The following PLXNA4 variants were observed in gnomAD, a reference collection of about 807,000 sequenced individuals.
PLXNA4 encodes the protein plexin-A4.
In PLXNA4, 44 loss-of-function variants were observed where a neutral mutation model predicts 191.8. That is an observed-to-expected ratio of 0.23 (90% confidence interval 0.18 to 0.29). The LOEUF is 0.29. Among genes scored for constraint, PLXNA4 ranks in the 10% least tolerant of loss-of-function variants. PLXNA4 has a pLI of 1.00. For missense variants in PLXNA4, 1,800 were observed against 2,488.8 expected (o/e 0.72, Z 5.89); for synonymous variants, 1,082 against 1,009.5 (o/e 1.07, Z -1.36).
chr7:132,222,250 T>A (rs150936862), intron 9 of PLXNA4, among the ~76,000 whole-genome samples: 1 of 152,354 alleles, frequency 6.6e-6, no homozygotes, highest in Non-Finnish European at 1.5e-5. Flanking sequence ...GATTTTCTGA[T>A]GGCTAAGCAC....
chr7:132,157,021 T>C (rs919784837), intron 25 of PLXNA4, among the ~76,000 whole-genome samples: 1 of 152,196 alleles, frequency 6.6e-6, no homozygotes, highest in African/African-American at 2.4e-5. Context: ...AGGGGGGCCC[T>C]GAGGTTCAAA....
At chr7:132,461,766 A>G (rs1363053172) in intron 3 of PLXNA4, among the ~76,000 whole-genome samples, 1 of 152,242 alleles carries the variant, frequency 6.6e-6, no homozygotes, top group Non-Finnish European at 1.5e-5. Context: ...AGTCATTTCA[A>G]CAACTTTGAG....
At chr7:132,633,708 G>T (rs567217600) in intron 2 of PLXNA4, among the ~76,000 whole-genome samples, 4 of 152,102 alleles carry the variant, frequency 2.6e-5, no homozygotes, top group Non-Finnish European at 5.9e-5. Flanking sequence ...TATTTTTCAC[G>T]TTTTTCCCCC....
chr7:132,501,241 G>A (rs1798237959), intron 2 of PLXNA4, among the ~76,000 whole-genome samples: 1 of 152,172 alleles, frequency 6.6e-6, no homozygotes, highest in African/African-American at 2.4e-5. Flanking sequence ...TGAGCAAGAG[G>A]AGAGAAACAG....
At chr7:132,492,443 C>T (rs1797844985) in intron 2 of PLXNA4, among the ~76,000 whole-genome samples, 1 of 152,216 alleles carries the variant, frequency 6.6e-6, no homozygotes, top group African/African-American at 2.4e-5. Context: ...TCTGCAGAAC[C>T]TCTTGAAGCA....
intron 20 of PLXNA4, among the ~76,000 whole-genome samples, chr7:132,178,746 C>T (rs1796567730): frequency 2.7e-5 from 2 of 74,556 alleles, no homozygotes; most frequent in Admixed American, 3.3e-4. Context: ...AAATGAAACA[C>T]ATACACACAC....
intron 5 of PLXNA4, among the ~76,000 whole-genome samples, chr7:132,230,428 A>G (rs1302942837): frequency 2.0e-5 from 3 of 152,172 alleles, no homozygotes; most frequent in Non-Finnish European, 2.9e-5. Context: ...TGGCACTGGG[A>G]AGCACTTTGA....
intron 3 of PLXNA4, chr7:132,383,470 C>T (rs1032674546): frequency 8.0e-6 from 6 of 750,522 alleles, no homozygotes; most frequent in Admixed American, 6.3e-5. Context: ...ATCCCATTTT[C>T]CAAGCACAAC....
At chr7:132,195,138 C>A (rs1797216158) in intron 13 of PLXNA4, among the ~76,000 whole-genome samples, 1 of 152,036 alleles carries the variant, frequency 6.6e-6, no homozygotes, top group Non-Finnish European at 1.5e-5. Context: ...TACATATATA[C>A]AATTACACTT....
At chr7:132,231,984 G>A (rs1476394611) in intron 5 of PLXNA4, among the ~76,000 whole-genome samples, 1 of 152,158 alleles carries the variant, frequency 6.6e-6, no homozygotes, top group Non-Finnish European at 1.5e-5. Flanking sequence ...CTATCCTCCA[G>A]GATTCATGAG....
chr7:132,513,075 A>G (rs1224275796), intron 1 of PLXNA4, among the ~76,000 whole-genome samples: 1 of 152,192 alleles, frequency 6.6e-6, no homozygotes, highest in East Asian at 1.9e-4. Flanking sequence ...TTGAAATCAG[A>G]TTTTAATTTT....
At position 132,507,782 on chromosome 7, in the gene PLXNA4, C is replaced by T. The variant is rs1798534403; in HGVS notation, c.912G>A (p.Gly304=). The T allele has an allele frequency of 1.9e-6, 3 of 1,614,142 alleles. No homozygotes were observed. The highest frequency in any genetic ancestry group is 1.1e-5 in the South Asian group (1 of 91,080). The change falls in exon 2 of 32, where the codon GGG becomes GGA. Residue 304 remains glycine, a synonymous_variant. Transcript: ENST00000321063. The part of the protein sequence containing the change: ...VEVPIGCERS[G]VEYRLLQAAY... ...CAGCCTGCAGCAGGCGGTACTCCAC[C>T]CCACTGCGCTCACAGCCAATGGGCA...
intron 2 of PLXNA4, among the ~76,000 whole-genome samples, chr7:132,635,170 T>TTATTTATATATATATATATATATATA (rs1470708373): frequency 2.3e-4 from 30 of 131,816 alleles, no homozygotes; most frequent in Non-Finnish European, 2.6e-4. Flanking sequence ...AAACTCCCCT[T>TTATTTATATATATATATATATATATA]TATATATATA....
chr7:132,430,496 G>A (rs1795217692), intron 3 of PLXNA4, among the ~76,000 whole-genome samples: 1 of 152,096 alleles, frequency 6.6e-6, no homozygotes, highest in Non-Finnish European at 1.5e-5. Flanking sequence ...TGACAGAGGG[G>A]GCAGTTGAGC....
In PLXNA4 at chr7:132,298,072, G is replaced by A. The variant is rs370825824; in HGVS notation, c.1503+19C>T. On this transcript the variant is annotated intron_variant, in intron 4 of 31. Coordinates refer to ENST00000321063, the MANE Select transcript of PLXNA4 (RefSeq NM_020911.2). Reference sequence around the variant, plus strand: ...TTTAACTGCAAGACAAATGTCTAGCGGAGCCCGAAGAGCCTTACCTGCCTC... The same window carrying A: ...TTTAACTGCAAGACAAATGTCTAGCAGAGCCCGAAGAGCCTTACCTGCCTC... 1.1e-4 allele frequency: 184 copies of A among 1,614,046 alleles called. No homozygotes were observed. The highest frequency in any genetic ancestry group is 9.9e-4 in the Middle Eastern group (6 of 6,062).
chr7:132,302,409 C>T (rs978077962), intron 3 of PLXNA4, among the ~76,000 whole-genome samples: 2 of 152,016 alleles, frequency 1.3e-5, no homozygotes, highest in African/African-American at 4.8e-5. Context: ...CAGTGCAATC[C>T]CCAATACATG....
At chr7:132,589,585 C>T (rs181527018) in intron 2 of PLXNA4, among the ~76,000 whole-genome samples, 4 of 152,262 alleles carry the variant, frequency 2.6e-5, no homozygotes, top group Admixed American at 2.0e-4. Context: ...GTAGACACCT[C>T]ATATCTATTC....
chr7:132,277,966 T>C (rs1035904502), intron 4 of PLXNA4, among the ~76,000 whole-genome samples: 5 of 152,224 alleles, frequency 3.3e-5, no homozygotes, highest in African/African-American at 1.2e-4. Context: ...ATTGGGAATG[T>C]CGCTTGCCAG....
chr7:132,405,549 C>T (rs888184650), intron 3 of PLXNA4, among the ~76,000 whole-genome samples: 1 of 152,128 alleles, frequency 6.6e-6, no homozygotes, highest in African/African-American at 2.4e-5. Flanking sequence ...TGACAGCTCT[C>T]GGTCCTCCCA....
Sources: gnomAD v4.1 joint callset for allele counts (sites outside exome capture counted in the v4.1 genomes callset) on GRCh38, gnomAD v4.1.1 for gene constraint, MANE v1.5 for transcripts, NCBI Gene and HGNC (gene_info 2026-07-23, HGNC 2026-07-21) for gene names.